The following IL23R variants were observed in gnomAD, a reference collection of about 807,000 sequenced individuals.
IL23R encodes interleukin 23 receptor, also known as interleukin-23 receptor.
In IL23R, 34 loss-of-function variants were observed where a neutral mutation model predicts 56.9. The ratio of observed to expected loss-of-function variants is 0.60; its 90% CI spans 0.45 to 0.80. The LOEUF (loss-of-function observed/expected upper bound fraction) is 0.80. IL23R is among the 30% of genes least tolerant of loss of function. IL23R has a pLI of 0.00. For missense variants in IL23R, 635 were observed against 730.0 expected, an observed-to-expected ratio of 0.87 and a Z score of 1.50; for synonymous variants, 230 against 249.2, an observed-to-expected ratio of 0.92 and a Z score of 0.73.
intron 1 of IL23R, among the ~76,000 whole-genome samples, chr1:67,158,381 A>G (rs1267782087): frequency 6.6e-6 from 1 of 152,166 alleles, no homozygotes; most frequent in Non-Finnish European, 1.5e-5. Context: ...AATGAAGTAG[A>G]ATTGGACAGC....
intron 6 of IL23R, among the ~76,000 whole-genome samples, chr1:67,217,584 G>A (rs542120438): frequency 2.6e-5 from 4 of 151,898 alleles, no homozygotes; most frequent in Admixed American, 6.6e-5. Context: ...GGCACAGTAA[G>A]TAAAATTTCT....
At chr1:67,168,696 T>C (rs890783900) in intron 2 of IL23R, among the ~76,000 whole-genome samples, 1 of 152,214 alleles carries the variant, frequency 6.6e-6, no homozygotes, top group Non-Finnish European at 1.5e-5. Flanking sequence ...GGGTTCAGAT[T>C]CTACAGTGCC....
At chr1:67,232,052 A>G (rs576572542) in intron 7 of IL23R, among the ~76,000 whole-genome samples, 1 of 152,276 alleles carries the variant, frequency 6.6e-6, no homozygotes, top group Non-Finnish European at 1.5e-5. Context: ...AAGGCAAGAC[A>G]AAACATTTAT....
At chr1:67,261,050 T>C (rs192355458), downstream of IL23R, among the ~76,000 whole-genome samples, 6 of 152,130 alleles carry the variant, frequency 3.9e-5, no homozygotes, top group East Asian at 1.2e-3. Flanking sequence ...GCTTACTATG[T>C]CTTTAGCAAA....
intron 9 of IL23R, among the ~76,000 whole-genome samples, chr1:67,248,570 C>T (rs1652397512): frequency 1.3e-5 from 2 of 152,190 alleles, no homozygotes; most frequent in Non-Finnish European, 2.9e-5. Context: ...TGCTTTAACT[C>T]AGAGGAGTTT....
intron 4 of IL23R, among the ~76,000 whole-genome samples, chr1:67,193,352 G>A: frequency 6.6e-6 from 1 of 152,292 alleles, no homozygotes; most frequent in East Asian, 1.9e-4. Flanking sequence ...CCACCAAAAT[G>A]TGTGCTTCAT....
At chr1:67,243,043 A>G (rs1343409694) in intron 9 of IL23R, among the ~76,000 whole-genome samples, 3 of 152,178 alleles carry the variant, frequency 2.0e-5, no homozygotes, top group Admixed American at 1.3e-4. Context: ...GGATCATTTT[A>G]TCTTTTCCAT....
intron 9 of IL23R, among the ~76,000 whole-genome samples, chr1:67,247,491 A>T (rs1208144720): frequency 6.6e-6 from 1 of 151,816 alleles, no homozygotes; most frequent in Non-Finnish European, 1.5e-5. Flanking sequence ...TTTAGTAGAG[A>T]TGGAGTTTCT....
intron 9 of IL23R, among the ~76,000 whole-genome samples, chr1:67,255,618 C>G (rs1640762514): frequency 6.6e-6 from 1 of 151,704 alleles, no homozygotes; most frequent in Admixed American, 6.6e-5. Context: ...TTTTAATATT[C>G]TGTAGAGACA....
chr1:67,175,624 T>TG (rs1570782962), intron 3 of IL23R, among the ~76,000 whole-genome samples: 1 of 152,188 alleles, frequency 6.6e-6, no homozygotes, highest in Non-Finnish European at 1.5e-5. Flanking sequence ...CTTAATATAA[T>TG]GTCTTCAAGT....
At chr1:67,245,356 G>T (rs1652147011) in intron 9 of IL23R, among the ~76,000 whole-genome samples, 1 of 152,182 alleles carries the variant, frequency 6.6e-6, no homozygotes, top group African/African-American at 2.4e-5. Flanking sequence ...TTGAATAGGA[G>T]TGCGGAGAGA....
At chr1:67,190,435 A>AG (rs1428420560) in intron 4 of IL23R, among the ~76,000 whole-genome samples, 1 of 99,612 alleles carries the variant, frequency 1.0e-5, no homozygotes, top group Admixed American at 8.5e-5. Flanking sequence ...TGATAGGGAA[A>AG]AAAAAAAACC....
Position 67,258,952 on chromosome 1 carries a change from A to C in IL23R, c.1714A>C (p.Thr572Pro). The C allele has an allele frequency of 1.2e-6, 2 of 1,614,132 alleles. No individual in the cohort carries two copies. The highest frequency in any genetic ancestry group is 1.7e-6 in the Non-Finnish European group (2 of 1,180,016). The change falls in exon 11 of 11, where the codon ACC (threonine) becomes CCC (proline). Residue 572 changes from threonine to proline, a missense_variant. Transcript: ENST00000347310. Reference protein sequence around the residue: ...DIQNSVEEETTMLLENDSPSE... With the variant: ...DIQNSVEEETPMLLENDSPSE... Reference sequence around the variant, plus strand: ...ACAAAACTCAGTAGAGGAGGAAACCACCATGCTTTTGGAAAATGATTCACC... The same window carrying C: ...ACAAAACTCAGTAGAGGAGGAAACCCCCATGCTTTTGGAAAATGATTCACC...
At chr1:67,243,313 CT>C (rs56982680) in intron 9 of IL23R, among the ~76,000 whole-genome samples, 1 of 151,262 alleles carries the variant, frequency 6.6e-6, no homozygotes, top group Admixed American at 6.6e-5. Flanking sequence ...GCGGATTTCT[CT>C]TTTTTTTTCT....
intron 1 of IL23R, among the ~76,000 whole-genome samples, chr1:67,140,484 T>A (rs1479118027): frequency 6.6e-6 from 1 of 152,152 alleles, no homozygotes. Context: ...ATAGTCGAAG[T>A]CATGTACATT....
At chr1:67,262,096 G>A (rs1444443630), downstream of IL23R, among the ~76,000 whole-genome samples, 1 of 152,148 alleles carries the variant, frequency 6.6e-6, no homozygotes, top group East Asian at 1.9e-4. Context: ...CAAACTTCGC[G>A]GGGGAGAAAG....
At chr1:67,256,909 G>T (rs943574637) in intron 10 of IL23R, among the ~76,000 whole-genome samples, 25 of 152,260 alleles carry the variant, frequency 1.6e-4, no homozygotes, top group African/African-American at 5.8e-4. Context: ...AAAACAACTG[G>T]TCAACAGAAT....
At chr1:67,227,948 T>A (rs1000995177) in intron 7 of IL23R, among the ~76,000 whole-genome samples, 10 of 15,818 alleles carry the variant, frequency 6.3e-4, no homozygotes, top group Admixed American at 5.5e-3. Flanking sequence ...AGATCTTTCT[T>A]TCTTTCTTTC....
Position 67,259,367 on chromosome 1 carries a change from G to C in IL23R, c.*239G>C, listed in dbSNP as rs1182328647. ...GTTTCCAGAGTAGTGACATTTCTGT[G>C]CTCCTACCATCACCATGTAAGAATT... On this transcript the variant is annotated 3_prime_UTR_variant, in exon 11 of 11. Transcript: ENST00000347310. 2.0e-6 allele frequency: 1 copy of C among 504,634 alleles called. No individual in the cohort carries two copies. The highest frequency in any genetic ancestry group is 1.9e-5 in the African/African-American group (1 of 51,688). 31.3% of individuals were successfully genotyped at this position (504,634 alleles called of 1,614,324 possible).
Sources: allele counts gnomAD v4.1 joint callset (sites outside exome capture counted in the v4.1 genomes callset), GRCh38; gene constraint gnomAD v4.1.1; transcripts MANE v1.5; gene names NCBI Gene and HGNC (gene_info 2026-07-23, HGNC 2026-07-21).